AKAP19: variants seen among roughly 807,000 people sequenced by gnomAD.
AKAP19 encodes A-kinase anchoring protein 19.
the AKAP19 span, among the ~76,000 whole-genome samples, chr2:189,973,521 CT>C: frequency 6.6e-6 from 1 of 152,164 alleles, no homozygotes; most frequent in Admixed American, 6.5e-5. Context: ...GGAGGATTCC[CT>C]CTTTTTCTAT....
At chr2:190,118,810 G>A in the AKAP19 span, among the ~76,000 whole-genome samples, 2 of 152,208 alleles carry the variant, frequency 1.3e-5, no homozygotes, top group South Asian at 4.1e-4. Flanking sequence ...ACAGGCACAA[G>A]ACAGGGATGC....
the AKAP19 span, among the ~76,000 whole-genome samples, chr2:190,007,501 A>G: frequency 5.1e-4 from 77 of 152,280 alleles, no homozygotes; most frequent in Middle Eastern, 6.8e-3. Flanking sequence ...ACTTTGGCCC[A>G]TGTTAGGATG....
chr2:189,973,620 T>C, the AKAP19 span, among the ~76,000 whole-genome samples: 1 of 152,150 alleles, frequency 6.6e-6, no homozygotes, highest in African/African-American at 2.4e-5. Flanking sequence ...GTCCTGGACT[T>C]TTTTTGGTTG....
At chr2:190,140,205 T>G in the AKAP19 span, among the ~76,000 whole-genome samples, 138,649 of 152,122 alleles carry the variant, frequency 0.91, 64,090 homozygotes, top group East Asian at 1. Context: ...GCTTTGCAGG[T>G]TATACTCCCC....
the AKAP19 span, among the ~76,000 whole-genome samples, chr2:190,160,788 A>C: frequency 6.6e-6 from 1 of 152,266 alleles, no homozygotes; most frequent in East Asian, 1.9e-4. Context: ...GAGGGATAAT[A>C]AATGTTTGAA....
chr2:190,124,213 C>T, the AKAP19 span, among the ~76,000 whole-genome samples: 1 of 152,220 alleles, frequency 6.6e-6, no homozygotes, highest in African/African-American at 2.4e-5. Flanking sequence ...CCCTCTCATA[C>T]CTATGCAGTC....
the AKAP19 span, among the ~76,000 whole-genome samples, chr2:189,962,724 G>A: frequency 6.6e-6 from 1 of 152,128 alleles, no homozygotes; most frequent in African/African-American, 2.4e-5. Flanking sequence ...CTTTTACCAT[G>A]AGGATGTATT....
chr2:190,141,406 TA>T, the AKAP19 span, among the ~76,000 whole-genome samples: 1 of 152,136 alleles, frequency 6.6e-6, no homozygotes, highest in Non-Finnish European at 1.5e-5. Context: ...TGAGACTGGG[TA>T]ATTTATAAAG....
At chr2:189,930,398 C>T in the AKAP19 span, 1 of 325,922 alleles carries the variant, frequency 3.1e-6, no homozygotes, top group South Asian at 4.0e-5. Context: ...TGAATTGGGG[C>T]TGGGCGCGGT....
At chr2:190,183,371 A>G in the AKAP19 span, among the ~76,000 whole-genome samples, 1 of 152,194 alleles carries the variant, frequency 6.6e-6, no homozygotes, top group Non-Finnish European at 1.5e-5. Flanking sequence ...AGTCTTCTCC[A>G]TAAGGACATT....
chr2:190,131,475 T>A, the AKAP19 span, among the ~76,000 whole-genome samples: 1 of 152,208 alleles, frequency 6.6e-6, no homozygotes, highest in African/African-American at 2.4e-5. Context: ...GGGAGCTCCA[T>A]GTGCCTTTCC....
the AKAP19 span, among the ~76,000 whole-genome samples, chr2:190,187,020 A>G: frequency 6.6e-6 from 1 of 152,034 alleles, no homozygotes; most frequent in Non-Finnish European, 1.5e-5. Context: ...TTGTATCTTT[A>G]GTAGAGATGG....
the AKAP19 span, among the ~76,000 whole-genome samples, chr2:189,987,725 T>C: frequency 6.6e-6 from 1 of 152,196 alleles, no homozygotes; most frequent in African/African-American, 2.4e-5. Context: ...TACTATTAGA[T>C]CAAGGGGATC....
At chr2:190,076,429 T>C in the AKAP19 span, among the ~76,000 whole-genome samples, 15 of 152,300 alleles carry the variant, frequency 9.8e-5, no homozygotes, top group African/African-American at 3.1e-4. Context: ...GATAACATTT[T>C]CCTTAAGCCT....
the AKAP19 span, among the ~76,000 whole-genome samples, chr2:190,162,052 G>A: frequency 6.6e-6 from 1 of 152,056 alleles, no homozygotes; most frequent in East Asian, 1.9e-4. Context: ...TGGTGCAAAG[G>A]ACATGACATT....
the AKAP19 span, among the ~76,000 whole-genome samples, chr2:190,075,963 A>C: frequency 6.6e-6 from 1 of 151,912 alleles, no homozygotes; most frequent in East Asian, 1.9e-4. Context: ...TTTACTCACT[A>C]TGCCTGTTTT....
chr2:190,116,482 G>A, the AKAP19 span, among the ~76,000 whole-genome samples: 1 of 152,108 alleles, frequency 6.6e-6, no homozygotes, highest in Non-Finnish European at 1.5e-5. Flanking sequence ...CCGTAGCATT[G>A]GGGATTAAAC....
the AKAP19 span, among the ~76,000 whole-genome samples, chr2:190,158,267 CT>C: frequency 3.3e-5 from 5 of 152,296 alleles, no homozygotes; most frequent in Admixed American, 1.3e-4. Flanking sequence ...GAATAAAGCC[CT>C]TCCTTATACA....
chr2:190,042,372 A>G, the AKAP19 span, among the ~76,000 whole-genome samples: 7 of 151,576 alleles, frequency 4.6e-5, no homozygotes, highest in Non-Finnish European at 1.0e-4. Flanking sequence ...CATTCCCTTC[A>G]TCATTTCCAG....
Sources: gnomAD v4.1 joint callset for allele counts (sites outside exome capture counted in the v4.1 genomes callset) on GRCh38, gnomAD v4.1.1 for gene constraint, MANE v1.5 for transcripts, NCBI Gene and HGNC (gene_info 2026-07-23, HGNC 2026-07-21) for gene names.